The following NSD3 variants were observed in gnomAD, a reference collection of about 807,000 sequenced individuals.
NSD3 encodes the protein histone-lysine N-methyltransferase NSD3.
Under a neutral mutation model 160.8 loss-of-function variants are expected in NSD3, and 24 were observed. The observed-to-expected ratio is 0.15, with a 90% confidence interval of 0.11 to 0.21. NSD3 has a LOEUF of 0.21. NSD3 is among the 10% of genes least tolerant of loss of function. The probability of loss-of-function intolerance (pLI) is 1.00; values close to 1 mark genes in which losing one functional copy is unlikely to be tolerated. For synonymous variants in NSD3, 520 were observed against 600.0 expected (o/e 0.87, Z 1.95); for missense variants, 1,157 against 1,735.9 (o/e 0.67, Z 5.93).
intron 3 of NSD3, among the ~76,000 whole-genome samples, chr8:38,338,319 A>T (rs186307250): frequency 0.011 from 1,725 of 151,904 alleles, 18 homozygotes; most frequent in Non-Finnish European, 0.02. Flanking sequence ...AAAAAAAAAA[A>T]TACACATGAT....
chr8:38,315,520 T>C lies in NSD3; in HGVS notation c.2011A>G (p.Ser671Gly). ...LQVGFGKQVD[S>G]PSATADADVS... ...TCTGCATCTGCAGTAGCTGAAGGGC[T>C]ATCTACTTGCTTTCCAAAGCCTACC... is the stretch of plus-strand genomic sequence containing the variant. The change falls in exon 11 of 24, where the codon AGC becomes GGC. Residue 671 changes from serine (S) to glycine (G), a missense_variant. Ser to Gly is a moderately conservative substitution (Grantham distance 56). This residue lies in a region of NSD3 where 437 missense variants were observed against 576.6 expected (regional missense o/e 0.76). Coordinates refer to ENST00000317025, the MANE Select transcript of NSD3 (RefSeq NM_023034.2). The C allele has an allele frequency of 1.2e-6, 2 of 1,613,648 alleles. No individual in the cohort carries two copies. Among genetic ancestry groups the C allele is most frequent in the Non-Finnish European group, 1.7e-6 (2 of 1,179,812 alleles).
chr8:38,283,246 C>G (rs1353533554), intron 19 of NSD3, among the ~76,000 whole-genome samples: 1 of 152,168 alleles, frequency 6.6e-6, no homozygotes, highest in East Asian at 1.9e-4. Context: ...TAATCATTAA[C>G]CTTTTCACCT....
rs1358343644 is a variant in NSD3, at chr8:38,321,417, G to GT, written c.1709-246dup. On this transcript the variant is annotated intron_variant, in intron 7 of 23. Coordinates refer to ENST00000317025, the MANE Select transcript of NSD3 (RefSeq NM_023034.2). This position sits in a 1 kb window ranked among gnomAD's most constrained non-coding sequence, Gnocchi z 4.7. ...AAATTATACAAATAAAGGGGGATTG[G>GT]TTTTTTAAAAATTGAAAAGTCAAAC... 6.6e-6 allele frequency among the ~76,000 whole-genome samples: 1 copy of GT among 152,154 alleles called. No homozygotes were observed. Among genetic ancestry groups the GT allele is most frequent in the African/African-American group, 2.4e-5 (1 of 41,436 alleles).
At chr8:38,351,808 G>A (rs1229819089) in intron 1 of NSD3, among the ~76,000 whole-genome samples, 1 of 151,886 alleles carries the variant, frequency 6.6e-6, no homozygotes, top group African/African-American at 2.4e-5. Flanking sequence ...ACTCATAGGC[G>A]GGAATTGAAC....
Position 38,337,420 on chromosome 8 carries a change from A to G in NSD3, c.795T>C (p.Gly265=). The change falls in exon 4 of 24, where the codon GGT becomes GGC. Residue 265 remains glycine (G), a synonymous_variant. Transcript: ENST00000317025. The part of the protein sequence containing the change: ...SSVPTTEVST[G]VKFQVGDLVW... ...CAAGATCGCCAACCTGAAACTTAAC[A>G]CCAGTGGACACTTCCGTTGTTGGAA... 6.2e-7 allele frequency: 1 copy of G among 1,611,776 alleles called. No homozygotes were observed. Among genetic ancestry groups the G allele is most frequent in the South Asian group, 1.1e-5 (1 of 90,514 alleles).
At chr8:38,283,831 T>C (rs1808790426) in intron 19 of NSD3, among the ~76,000 whole-genome samples, 1 of 152,148 alleles carries the variant, frequency 6.6e-6, no homozygotes, top group South Asian at 2.1e-4. Flanking sequence ...AGGCCAGGTG[T>C]GGTGGCTCAT....
intron 19 of NSD3, among the ~76,000 whole-genome samples, chr8:38,283,062 T>C (rs376256678): frequency 2.6e-5 from 4 of 152,220 alleles, no homozygotes; most frequent in East Asian, 3.8e-4. Flanking sequence ...AGAGTTGCTA[T>C]ACCATCGTTA....
intron 14 of NSD3, among the ~76,000 whole-genome samples, chr8:38,304,091 T>C (rs1267935997): frequency 3.9e-5 from 6 of 152,210 alleles, no homozygotes; most frequent in Non-Finnish European, 8.8e-5. Flanking sequence ...ATATGCTGCC[T>C]TGGCTGTGTC....
intron 6 of NSD3, among the ~76,000 whole-genome samples, chr8:38,328,919 A>C (rs553723578): frequency 3.3e-5 from 5 of 152,354 alleles, no homozygotes; most frequent in Middle Eastern, 6.8e-3. Context: ...TAGATATCGC[A>C]AGCCCATAAG....
chr8:38,312,659 CCT>C (rs1809562152), intron 12 of NSD3, among the ~76,000 whole-genome samples: 1 of 151,940 alleles, frequency 6.6e-6, no homozygotes, highest in Non-Finnish European at 1.5e-5. Flanking sequence ...AAATTGTGGC[CCT>C]CTCCCTCAAC....
At position 38,327,352 on chromosome 8, in the gene NSD3, G is replaced by A. The variant is rs183837099; in HGVS notation, c.1582-496C>T. On this transcript the variant is annotated intron_variant, in intron 6 of 23. Coordinates refer to ENST00000317025, the MANE Select transcript of NSD3 (RefSeq NM_023034.2). ...ATTACAGGCGTTAGCCACCGCACCC[G>A]GCCAAAAAAAATTTTTTTTTAAGAT... Among the ~76,000 whole-genome samples the A allele has an allele frequency of 3.4e-3, 513 of 151,512 alleles. 3 individuals carry two copies. Among genetic ancestry groups the A allele is most frequent in the Middle Eastern group, 6.8e-3 (2 of 292 alleles).
In NSD3 at chr8:38,299,341, G is replaced by C. The variant is rs1809228841; in HGVS notation, c.2758+103C>G. 2.4e-6 allele frequency: 3 copies of C among 1,270,024 alleles called. No homozygotes were observed. In the South Asian group the frequency reaches 5.4e-5, roughly 23 times the overall value. 78.7% of individuals were successfully genotyped at this position (1,270,024 alleles called of 1,614,324 possible). The stretch of plus-strand genomic sequence containing the variant: ...ACCACCAAGGCAGAATTTACCAAAA[G>C]CAACAGATGGTGCTTGACAGGCATA... On this transcript the variant is annotated intron_variant, in intron 15 of 23. Transcript: ENST00000317025.
At chr8:38,346,388 A>C (rs1032123562) in intron 2 of NSD3, among the ~76,000 whole-genome samples, 3 of 147,564 alleles carry the variant, frequency 2.0e-5, no homozygotes, top group African/African-American at 4.9e-5. Flanking sequence ...TGTATATATA[A>C]ATATATATTG....
At chr8:38,307,127 A>T (rs1053565107) in intron 12 of NSD3, among the ~76,000 whole-genome samples, 26 of 141,670 alleles carry the variant, frequency 1.8e-4, no homozygotes, top group Middle Eastern at 3.7e-3. Flanking sequence ...AAAAAAAAAA[A>T]ATAAAATAAA....
chr8:38,350,821 A>G (rs998188891), intron 1 of NSD3, among the ~76,000 whole-genome samples: 1 of 152,184 alleles, frequency 6.6e-6, no homozygotes, highest in Non-Finnish European at 1.5e-5. Flanking sequence ...TTATGTAATA[A>G]CGTTACAATA....
intron 2 of NSD3, among the ~76,000 whole-genome samples, chr8:38,345,170 TCTTTA>T (rs1810482447): frequency 2.0e-5 from 3 of 151,206 alleles, no homozygotes; most frequent in Admixed American, 6.6e-5. Context: ...AGAACTTACC[TCTTTA>T]CTTCTTTGAA....
intron 1 of NSD3, among the ~76,000 whole-genome samples, chr8:38,379,194 T>C (rs1182555230): frequency 6.6e-6 from 1 of 152,114 alleles, no homozygotes; most frequent in East Asian, 1.9e-4. Context: ...AGTAGGCTTC[T>C]TCGTATATGA....
chr8:38,360,304 C>T (rs1389706929), intron 1 of NSD3, among the ~76,000 whole-genome samples: 3 of 152,144 alleles, frequency 2.0e-5, no homozygotes, highest in Non-Finnish European at 4.4e-5. Context: ...CTTAAATTCC[C>T]ATGGTAATGC....
intron 16 of NSD3, among the ~76,000 whole-genome samples, chr8:38,295,274 A>C (rs1464217568): frequency 6.6e-6 from 1 of 151,338 alleles, no homozygotes. Context: ...ACTTAAAAAC[A>C]AAAGTTGGTG....
Sources: gnomAD v4.1 joint callset for allele counts (sites outside exome capture counted in the v4.1 genomes callset) on GRCh38, gnomAD v4.1.1 for gene constraint, gnomAD v4.1.1 regional missense constraint, Gnocchi (gnomAD v3.1) non-coding constraint, MANE v1.5 for transcripts, NCBI Gene and HGNC (gene_info 2026-07-23, HGNC 2026-07-21) for gene names.